Variants in MYT1L observed in about 807,000 individuals in gnomAD.
MYT1L encodes the protein myelin transcription factor 1 like, also known as myelin transcription factor 1-like protein.
In MYT1L, 12 loss-of-function variants were observed where a neutral mutation model predicts 126.7. The ratio of observed to expected loss-of-function variants is 0.09; its 90% confidence interval spans 0.06 to 0.15. The LOEUF is 0.15. MYT1L is among the 10% of genes least tolerant of loss of function. The pLI is 1.00. For missense variants in MYT1L, 979 were observed against 1,585.2 expected (o/e 0.62, Z 6.49); for synonymous variants, 541 against 604.2 (o/e 0.90, Z 1.53).
intron 9 of MYT1L, among the ~76,000 whole-genome samples, chr2:1,937,758 G>A (rs1192073983): frequency 1.3e-5 from 2 of 152,016 alleles, no homozygotes; most frequent in Non-Finnish European, 2.9e-5. Context: ...AGTCGAGAAG[G>A]CCCTAATGTC....
At chr2:2,047,344 C>T (rs185375414) in intron 4 of MYT1L, among the ~76,000 whole-genome samples, 6 of 152,234 alleles carry the variant, frequency 3.9e-5, no homozygotes, top group South Asian at 2.1e-4. Context: ...ATGATATTAA[C>T]GCTAACATGA....
chr2:1,845,518 C>T (rs1000897011), intron 19 of MYT1L, among the ~76,000 whole-genome samples: 1 of 152,148 alleles, frequency 6.6e-6, no homozygotes, highest in African/African-American at 2.4e-5. Flanking sequence ...GGCCCTCCCT[C>T]TTTAGCGCCT....
rs180953338 is a variant in MYT1L, at chr2:2,128,731, T to G, written c.-304+44141A>C. ...TTCTATACCCATTTCAAATAAAGAGTGTACATAAATTCCCACCATAATTCA... is the reference window on the plus strand; with the variant it reads ...TTCTATACCCATTTCAAATAAAGAGGGTACATAAATTCCCACCATAATTCA... On this transcript the variant is annotated intron_variant, in intron 3 of 24. Transcript: ENST00000647738. Among the ~76,000 whole-genome samples, 174 of 151,570 alleles carry G rather than the reference T, an allele frequency of 1.1e-3. 1 individual carries two copies. The highest frequency in any genetic ancestry group is 3.6e-3 in the African/African-American group (148 of 41,294).
At position 1,790,464 on chromosome 2, in the gene MYT1L, G is replaced by C. The variant is rs1478514185; in HGVS notation, c.*1403C>G. On this transcript the variant is annotated 3_prime_UTR_variant, in exon 25 of 25. Transcript: ENST00000647738. ...GGAGTAAAACAATCAAATCTGGAAG[G>C]TATAAACAAGTCTAAGATGATCTAG... 6.6e-6 allele frequency: 1 copy of C among 152,150 alleles called. No homozygotes were observed. Among genetic ancestry groups the C allele is most frequent in the Non-Finnish European group, 1.5e-5 (1 of 68,046 alleles). The allele number at this position is 152,150 out of a possible 1,614,324, so 9.4% of individuals were successfully genotyped here.
At position 1,917,153 on chromosome 2, in the gene MYT1L, C is replaced by G; in HGVS notation, c.1618+52G>C. On this transcript the variant is annotated intron_variant, in intron 11 of 24. Coordinates refer to ENST00000647738, the MANE Select transcript of MYT1L (RefSeq NM_001303052.2). The surrounding 1 kb of genome is among the most constrained non-coding windows in gnomAD (Gnocchi z 5.9). ...TGTCAGGTAAGAGGGATGACAGAGA[C>G]AGAGTCATGGGTGTTTGCACCCCCA... is the stretch of plus-strand genomic sequence containing the variant. 2 of 1,577,594 alleles carry G rather than the reference C, an allele frequency of 1.3e-6. No homozygotes were observed. The highest frequency in any genetic ancestry group is 1.7e-6 in the Non-Finnish European group (2 of 1,154,598).
chr2:2,168,539 T>A (rs929419807), intron 3 of MYT1L, among the ~76,000 whole-genome samples: 1 of 152,172 alleles, frequency 6.6e-6, no homozygotes, highest in African/African-American at 2.4e-5. Flanking sequence ...CACTCATCCA[T>A]TGCTGAGACT....
chr2:2,048,043 G>A (rs1437838738), intron 4 of MYT1L, among the ~76,000 whole-genome samples: 3 of 152,150 alleles, frequency 2.0e-5, no homozygotes, highest in Admixed American at 6.5e-5. Flanking sequence ...TGGACTGTGA[G>A]CTTGTTGGAG....
At chr2:2,092,468 A>C (rs957697766) in intron 3 of MYT1L, among the ~76,000 whole-genome samples, 3 of 152,230 alleles carry the variant, frequency 2.0e-5, no homozygotes, top group African/African-American at 7.2e-5. Context: ...TGATGATAAT[A>C]AAAAAGTTTG....
chr2:2,271,548 G>T (rs73914906), intron 2 of MYT1L, among the ~76,000 whole-genome samples: 2 of 152,218 alleles, frequency 1.3e-5, no homozygotes, highest in Non-Finnish European at 2.9e-5. Flanking sequence ...GAGCCAAGGC[G>T]CTGAGGTCAT....
At chr2:1,823,285 CTGT>C (rs2038821242) in intron 21 of MYT1L, among the ~76,000 whole-genome samples, 1 of 152,168 alleles carries the variant, frequency 6.6e-6, no homozygotes, top group Non-Finnish European at 1.5e-5. Flanking sequence ...GCTGTTGCTG[CTGT>C]TGTCAGAGCT....
chr2:2,208,601 A>C (rs2093396296), intron 2 of MYT1L, among the ~76,000 whole-genome samples: 1 of 152,138 alleles, frequency 6.6e-6, no homozygotes, highest in African/African-American at 2.4e-5. Context: ...TAACAATTAA[A>C]AACTTTAAAA....
chr2:2,103,021 G>T (rs764059740), intron 3 of MYT1L, among the ~76,000 whole-genome samples: 1 of 152,074 alleles, frequency 6.6e-6, no homozygotes, highest in African/African-American at 2.4e-5. Context: ...TGTATTTAGC[G>T]CTAATTGAGA....
intron 2 of MYT1L, among the ~76,000 whole-genome samples, chr2:2,213,470 G>A (rs907394324): frequency 5.9e-5 from 9 of 152,178 alleles, no homozygotes; most frequent in African/African-American, 2.2e-4. Context: ...AAGTCTATGA[G>A]GAGACTGCCT....
chr2:1,907,919 G>A (rs568085181), intron 13 of MYT1L, among the ~76,000 whole-genome samples: 14 of 152,220 alleles, frequency 9.2e-5, no homozygotes, highest in Non-Finnish European at 1.9e-4. Context: ...CTCACGCAGG[G>A]CCAGTGCAGG....
At position 2,183,757 on chromosome 2, in the gene MYT1L, G is replaced by A. The variant is rs1358466472; in HGVS notation, c.-420-10769C>T. 2.0e-5 allele frequency among the ~76,000 whole-genome samples: 3 copies of A among 150,230 alleles called. No homozygotes were observed. In the East Asian group the frequency reaches 5.9e-4, roughly 29 times the overall value. ...CTAAAAGAAGGAAGGAAGGGAGGGA[G>A]GGAAGGAGGGAGAGGAAGGAAGGAA... is the stretch of plus-strand genomic sequence containing the variant. On this transcript the variant is annotated intron_variant, in intron 2 of 24. Coordinates refer to ENST00000647738, the MANE Select transcript of MYT1L (RefSeq NM_001303052.2).
At chr2:2,318,632 T>A (rs1269507524) in intron 1 of MYT1L, among the ~76,000 whole-genome samples, 1 of 152,206 alleles carries the variant, frequency 6.6e-6, no homozygotes, top group Non-Finnish European at 1.5e-5. Flanking sequence ...TTGCAAAACA[T>A]CTTGGAAGAT....
At chr2:1,883,014 C>T (rs78537241) in intron 18 of MYT1L, among the ~76,000 whole-genome samples, 7,653 of 152,272 alleles carry the variant, frequency 0.05, 287 homozygotes, top group African/African-American at 0.099. Flanking sequence ...GACTACTGCG[C>T]GTACGGGACC....
intron 2 of MYT1L, among the ~76,000 whole-genome samples, chr2:2,217,456 A>G (rs2093708508): frequency 6.6e-6 from 1 of 151,942 alleles, no homozygotes; most frequent in Non-Finnish European, 1.5e-5. Flanking sequence ...GCAGAGGCAG[A>G]CAGATCACTT....
At chr2:2,292,578 G>T (rs1157970296) in intron 1 of MYT1L, among the ~76,000 whole-genome samples, 1 of 152,166 alleles carries the variant, frequency 6.6e-6, no homozygotes, top group Non-Finnish European at 1.5e-5. Context: ...CATCCCTGTT[G>T]GGGCTCAGCG....
Sources: allele counts gnomAD v4.1 joint callset (sites outside exome capture counted in the v4.1 genomes callset), GRCh38; gene constraint gnomAD v4.1.1; non-coding constraint Gnocchi (gnomAD v3.1); transcripts MANE v1.5; gene names NCBI Gene and HGNC (gene_info 2026-07-23, HGNC 2026-07-21).